SYNE2: variants seen among roughly 807,000 people sequenced by gnomAD.
The protein encoded by SYNE2 is nesprin-2.
A neutral mutation model predicts 856.3 loss-of-function variants in SYNE2; 431 were observed. The observed-to-expected ratio is 0.50, with a 90% confidence interval of 0.47 to 0.55. The LOEUF (loss-of-function observed/expected upper bound fraction) is 0.55. Ranked by LOEUF, SYNE2 falls within the 20% of genes least tolerant of loss-of-function variation. The pLI, the probability that SYNE2 is intolerant of heterozygous loss-of-function variation, is 0.00. For missense variants in SYNE2, 8,129 were observed against 8,023.2 expected (o/e 1.01, Z -0.50); for synonymous variants, 2,923 against 2,872.3 (o/e 1.02, Z -0.56).
In SYNE2 at chr14:64,152,495, T is replaced by A; in HGVS notation, c.15640-69T>A. 5 of 1,520,948 alleles carry A rather than the reference T, an allele frequency of 3.3e-6. No individual in the cohort carries two copies. In the South Asian group the frequency reaches 5.7e-5, roughly 17 times the overall value. The allele number at this position is 1,520,948 out of a possible 1,614,324, so 94.2% of individuals were successfully genotyped here. A position where few individuals can be genotyped will look rare whatever the true frequency, so the allele number is the denominator to read the frequency against. Reference sequence around the variant, plus strand: ...TTTTTACTTGAAAAGAGTGAACTCCTGTCTCTGACACCTTATTAATTGTTT... The same window carrying A: ...TTTTTACTTGAAAAGAGTGAACTCCAGTCTCTGACACCTTATTAATTGTTT... On this transcript the variant is annotated intron_variant, in intron 84 of 115. Transcript: ENST00000555002.
At chr14:64,057,918 T>G (rs1433487407) in intron 49 of SYNE2, among the ~76,000 whole-genome samples, 1 of 152,258 alleles carries the variant, frequency 6.6e-6, no homozygotes, top group Non-Finnish European at 1.5e-5. Context: ...TATGTCTTCT[T>G]TTGAGAAATG....
chr14:64,158,722 G>C lies in SYNE2; in HGVS notation c.15890G>C (p.Trp5297Ser). Residue 5297 changes from tryptophan to serine, a missense_variant, in exon 86 of 116, where the codon TGG becomes TCG. Around this residue, in one of 3 missense-constraint regions of SYNE2, gnomAD observed 5,410 missense variants for 5,284.8 expected, o/e 1.02. Transcript: ENST00000555002. Reference sequence around the variant, plus strand: ...GTGAATATGATGACAATCCGATTCTGGTACTGCATGGAACACAGCAAGCCT... The same window carrying C: ...GTGAATATGATGACAATCCGATTCTCGTACTGCATGGAACACAGCAAGCCT... ...DEVNMMTIRF[W>S]YCMEHSKPVV... The C allele has an allele frequency of 6.2e-7, 1 of 1,613,996 alleles. No individual in the cohort carries two copies. The highest frequency in any genetic ancestry group is 1.3e-5 in the African/African-American group (1 of 75,026).
chr14:64,145,013 A>G (rs1213654923), intron 83 of SYNE2, among the ~76,000 whole-genome samples: 1 of 136,788 alleles, frequency 7.3e-6, no homozygotes, highest in Non-Finnish European at 1.5e-5. Flanking sequence ...TGCAACTTCC[A>G]CCTCCCAGAT....
At chr14:64,000,383 T>G (rs547282309) in intron 27 of SYNE2, among the ~76,000 whole-genome samples, 179 bp from the exon 28 acceptor site, 2 of 152,360 alleles carry the variant, frequency 1.3e-5, no homozygotes, top group African/African-American at 4.8e-5. Context: ...GCACAGTTAA[T>G]GTCCTTGTTC....
chr14:63,896,836 T>G (rs1345582166), intron 1 of SYNE2, among the ~76,000 whole-genome samples: 1 of 152,256 alleles, frequency 6.6e-6, no homozygotes, highest in East Asian at 1.9e-4. Context: ...TTTAACTAAG[T>G]AAACTATATA....
At chr14:63,813,344 A>G (rs1477596875) in intron 1 of SYNE2, among the ~76,000 whole-genome samples, 1 of 152,238 alleles carries the variant, frequency 6.6e-6, no homozygotes, top group Non-Finnish European at 1.5e-5. Flanking sequence ...GATATCAAAT[A>G]CTAGCCCTGT....
At chr14:64,022,885 T>C (rs1261749108) in intron 38 of SYNE2, 22 bp downstream of exon 38, 1 of 1,321,632 alleles carries the variant, frequency 7.6e-7, no homozygotes, top group East Asian at 2.5e-5. Flanking sequence ...ATGTGTATTT[T>C]TAATAAAAAT....
chr14:63,980,145 A>G (rs2096574986), intron 14 of SYNE2, among the ~76,000 whole-genome samples: 2 of 152,212 alleles, frequency 1.3e-5, no homozygotes, highest in South Asian at 2.1e-4. Flanking sequence ...ACACATAAGT[A>G]TACAGTAAAT....
At chr14:64,191,666 A>T (rs1017699118) in intron 99 of SYNE2, among the ~76,000 whole-genome samples, 1 of 152,202 alleles carries the variant, frequency 6.6e-6, no homozygotes, top group East Asian at 1.9e-4. Flanking sequence ...TATCTGAGTC[A>T]TGCCTGGTTC....
rs771172967 is a variant in SYNE2, at chr14:64,224,480, C to G, written c.20402C>G (p.Pro6801Arg). 1 of 1,613,848 alleles carries G rather than the reference C, an allele frequency of 6.2e-7. No individual in the cohort carries two copies. Among genetic ancestry groups the G allele is most frequent in the South Asian group, 1.1e-5 (1 of 91,074 alleles). Residue 6801 changes from proline (P) to arginine (R), a missense_variant, in exon 114 of 116, where the codon CCC (proline) becomes CGC (arginine). This residue lies in a region of SYNE2 where 5,410 missense variants were observed against 5,284.8 expected (regional missense o/e 1.02). Transcript: ENST00000555002. ...QGTQNPASPL[P>R]SFDEVDSGDQ... ...TTTCAGAACCCAGCCTCACCCCTGC[C>G]CAGCTTCGACGAGGTAGACTCGGGG...
rs184975868 is a variant in SYNE2 at position 64,018,838 on chromosome 14, T to C, written c.5049+1082T>C. ...ACATGGCTGAGTATCACCATCTTTA[T>C]AGAGCTTCAAGAAAAGCTACTTTTT... On this transcript the variant is annotated intron_variant, in intron 34 of 115. Coordinates refer to ENST00000555002, the MANE Select transcript of SYNE2 (RefSeq NM_182914.3). Among the ~76,000 whole-genome samples, 429 of 152,336 alleles carry C rather than the reference T, an allele frequency of 2.8e-3. 4 individuals are homozygous for C. The highest frequency in any genetic ancestry group is 0.01 in the African/African-American group (418 of 41,574).
chr14:64,175,247 T>C, intron 95 of SYNE2, 109 bp downstream of exon 95: 1 of 1,274,748 alleles, frequency 7.8e-7, no homozygotes, highest in Non-Finnish European at 1.1e-6. Context: ...TATCATGAGT[T>C]TCCAACTCAA....
chr14:64,182,717 G>C (rs1275312022), intron 96 of SYNE2, among the ~76,000 whole-genome samples: 1 of 152,232 alleles, frequency 6.6e-6, no homozygotes, highest in Non-Finnish European at 1.5e-5. Flanking sequence ...TAAGGTCATA[G>C]ATTAACAGCA....
intron 1 of SYNE2, among the ~76,000 whole-genome samples, chr14:63,783,683 T>C (rs1442365429): frequency 1.3e-5 from 2 of 152,104 alleles, no homozygotes; most frequent in African/African-American, 4.8e-5. Flanking sequence ...CTACAAAATA[T>C]CTGGCCAGAG....
Position 64,170,112 on chromosome 14 carries a change from A to AT in SYNE2, c.17001-109dup, listed in dbSNP as rs200506379. On this transcript the variant is annotated intron_variant, in intron 93 of 115. Transcript: ENST00000555002. ...AGCACTCAGGTGTTTAGAAGTTGGG[A>AT]TTTTTTTCATGTAAATTGTACTTAT... The AT allele has an allele frequency of 7.3e-3, 7,472 of 1,018,358 alleles. 58 individuals carry two copies. Among genetic ancestry groups the AT allele is most frequent in the Non-Finnish European group, 8.7e-3 (5,769 of 662,912 alleles). The allele number at this position is 1,018,358 out of a possible 1,614,324, so 63.1% of individuals were successfully genotyped here. A position where few individuals can be genotyped will look rare whatever the true frequency, so the allele number is the denominator to read the frequency against.
chr14:64,121,386 G>A (rs1204858871), intron 68 of SYNE2, among the ~76,000 whole-genome samples: 1 of 152,090 alleles, frequency 6.6e-6, no homozygotes, highest in Non-Finnish European at 1.5e-5. Context: ...AGCCAGGCAT[G>A]GTGGTGCAAG....
chr14:63,814,879 C>CAT (rs796849141), intron 1 of SYNE2, among the ~76,000 whole-genome samples: 1 of 35,566 alleles, frequency 2.8e-5, no homozygotes, highest in African/African-American at 7.4e-5. Flanking sequence ...CATATATATC[C>CAT]ATATATATAT....
In SYNE2 at chr14:64,093,439, C is replaced by A. The variant is rs562336595; in HGVS notation, c.12067C>A (p.His4023Asn). 1 of 1,614,150 alleles carries A rather than the reference C, an allele frequency of 6.2e-7. No homozygotes were observed. ...TTATTCAGCTCAGTTCTCCCTTGAA[C>A]ATATGTCACCAGACCAAGCTGACAA... ...NNYSAQFSLE[H>N]MSPDQADKLP... Residue 4023 changes from histidine (H) to asparagine (N), a missense_variant, in exon 61 of 116, where the codon CAT becomes AAT. By Grantham distance (68) the His-to-Asn change is moderately conservative. This residue lies in a region of SYNE2 where 5,410 missense variants were observed against 5,284.8 expected (regional missense o/e 1.02). Transcript: ENST00000555002.
At chr14:63,975,971 G>A (rs2096539404) in intron 11 of SYNE2, among the ~76,000 whole-genome samples, 1 of 152,228 alleles carries the variant, frequency 6.6e-6, no homozygotes. Flanking sequence ...AGTACAGCGA[G>A]TATTTGGAGA....
Sources: allele counts gnomAD v4.1 joint callset (sites outside exome capture counted in the v4.1 genomes callset), GRCh38; gene constraint gnomAD v4.1.1; regional missense constraint gnomAD v4.1.1; transcripts MANE v1.5; gene names NCBI Gene and HGNC (gene_info 2026-07-23, HGNC 2026-07-21).